The following DGKB variants were observed in gnomAD, a reference collection of about 807,000 sequenced individuals.
DGKB encodes the protein diacylglycerol kinase beta, also known as 90 kDa diacylglycerol kinase.
DGKB carries 67 observed loss-of-function variants against 114.3 expected under a neutral mutation model. That is an observed-to-expected ratio of 0.59 (90% CI 0.48 to 0.72). The LOEUF is 0.72. Among genes scored for constraint, DGKB ranks in the 30% least tolerant of loss-of-function variants. The pLI, the probability that DGKB is intolerant of heterozygous loss-of-function variation, is 0.00. For missense variants in DGKB, 907 were observed against 975.2 expected, an observed-to-expected ratio of 0.93 and a Z score of 0.93; for synonymous variants, 398 against 323.1, an observed-to-expected ratio of 1.23 and a Z score of -2.49.
intron 4 of DGKB, among the ~76,000 whole-genome samples, chr7:14,753,203 T>C (rs1273520573): frequency 6.6e-6 from 1 of 152,170 alleles, no homozygotes; most frequent in Non-Finnish European, 1.5e-5. Context: ...ATATCCAAGA[T>C]TGCCCAAAGG....
At chr7:14,930,855 C>T (rs910326974) in intron 1 of DGKB, among the ~76,000 whole-genome samples, 1 of 151,970 alleles carries the variant, frequency 6.6e-6, no homozygotes, top group East Asian at 1.9e-4. Context: ...TTGTACATGA[C>T]GTTCTGTATT....
intron 17 of DGKB, among the ~76,000 whole-genome samples, chr7:14,592,005 CTT>C (rs1801782181): frequency 6.6e-6 from 1 of 151,758 alleles, no homozygotes; most frequent in African/African-American, 2.4e-5. Flanking sequence ...TTATTCCAAT[CTT>C]ATATTTTATT....
At chr7:14,522,381 A>C (rs1242797852) in intron 20 of DGKB, among the ~76,000 whole-genome samples, 1 of 152,080 alleles carries the variant, frequency 6.6e-6, no homozygotes, top group Non-Finnish European at 1.5e-5. Flanking sequence ...GCCATCTTTG[A>C]CTGTCCAACC....
intron 17 of DGKB, among the ~76,000 whole-genome samples, chr7:14,604,802 C>T (rs1212193788): frequency 3.3e-5 from 5 of 152,056 alleles, no homozygotes; most frequent in Admixed American, 6.6e-5. Context: ...ACATCATAGC[C>T]TGGCCAGAGT....
At chr7:14,189,969 C>T (rs905755583) in intron 23 of DGKB, among the ~76,000 whole-genome samples, 2 of 152,062 alleles carry the variant, frequency 1.3e-5, no homozygotes, top group African/African-American at 4.8e-5. Context: ...GGGGATTACA[C>T]CCACTTTCAA....
At chr7:14,800,148 C>T (rs957662809) in intron 2 of DGKB, among the ~76,000 whole-genome samples, 2 of 152,098 alleles carry the variant, frequency 1.3e-5, no homozygotes, top group Non-Finnish European at 2.9e-5. Context: ...AATCTCTTGA[C>T]CTCATGATCC....
At chr7:14,320,137 T>A (rs1392510598) in intron 23 of DGKB, among the ~76,000 whole-genome samples, 1 of 152,034 alleles carries the variant, frequency 6.6e-6, no homozygotes, top group Non-Finnish European at 1.5e-5. Context: ...GTCCTAAGAG[T>A]CATAGGTGGG....
chr7:14,425,671 T>C (rs1009042087), intron 21 of DGKB, among the ~76,000 whole-genome samples: 4 of 152,146 alleles, frequency 2.6e-5, no homozygotes, highest in African/African-American at 4.8e-5. Context: ...AGAATAAACA[T>C]TTCAGTTTTG....
chr7:14,188,496 T>G (rs1250913686), intron 23 of DGKB, among the ~76,000 whole-genome samples: 2 of 143,130 alleles, frequency 1.4e-5, no homozygotes, highest in African/African-American at 2.6e-5. Context: ...CCGTCTCTAC[T>G]AAAAATACAA....
chr7:14,631,091 T>C (rs879511701), intron 13 of DGKB, among the ~76,000 whole-genome samples: 2 of 151,524 alleles, frequency 1.3e-5, no homozygotes, highest in Non-Finnish European at 2.9e-5. Context: ...CTTAGATATT[T>C]GTGTCCCTGA....
At chr7:14,273,451 A>G (rs139015814) in intron 23 of DGKB, among the ~76,000 whole-genome samples, 215 of 152,346 alleles carry the variant, frequency 1.4e-3, no homozygotes, top group Non-Finnish European at 2.3e-3. Context: ...CAGTAAAGAT[A>G]TGAAATGATG....
At chr7:14,677,854 T>C (rs1489291626) in intron 12 of DGKB, among the ~76,000 whole-genome samples, 2 of 152,054 alleles carry the variant, frequency 1.3e-5, no homozygotes, top group Non-Finnish European at 2.9e-5. Context: ...CACTGATCTT[T>C]CCTAAGCTTT....
chr7:14,822,065 C>A (rs1455703881), intron 2 of DGKB, among the ~76,000 whole-genome samples: 1 of 152,068 alleles, frequency 6.6e-6, no homozygotes, highest in Non-Finnish European at 1.5e-5. Flanking sequence ...AAGGGAGAGA[C>A]AGAGATGTAT....
At chr7:14,612,710 TTTTG>T (rs1250089074) in intron 16 of DGKB, among the ~76,000 whole-genome samples, 1 of 152,052 alleles carries the variant, frequency 6.6e-6, no homozygotes, top group African/African-American at 2.4e-5. Flanking sequence ...ATAAATGCAT[TTTTG>T]TTTATGACTG....
At chr7:14,899,729 G>A (rs940911359) in intron 1 of DGKB, among the ~76,000 whole-genome samples, 1 of 152,086 alleles carries the variant, frequency 6.6e-6, no homozygotes, top group Non-Finnish European at 1.5e-5. Flanking sequence ...GTCAATGCAG[G>A]TGGATTCCAG....
chr7:14,507,129 G>C (rs1383756293), intron 20 of DGKB, among the ~76,000 whole-genome samples: 1 of 152,164 alleles, frequency 6.6e-6, no homozygotes, highest in Non-Finnish European at 1.5e-5. Context: ...AAGCCATAGA[G>C]ATTTGAAGGC....
At chr7:14,306,489 T>A (rs1309988423) in intron 23 of DGKB, among the ~76,000 whole-genome samples, 1 of 152,136 alleles carries the variant, frequency 6.6e-6, no homozygotes, top group Non-Finnish European at 1.5e-5. Flanking sequence ...TAATATGATA[T>A]TAGCCATTAA....
At chr7:14,472,380 C>T (rs779911732) in intron 21 of DGKB, among the ~76,000 whole-genome samples, 5 of 152,176 alleles carry the variant, frequency 3.3e-5, no homozygotes, top group African/African-American at 4.8e-5. Flanking sequence ...CCACCATCCA[C>T]GTACAATGTG....
intron 20 of DGKB, among the ~76,000 whole-genome samples, chr7:14,488,052 T>C (rs879794965): frequency 6.6e-6 from 1 of 152,122 alleles, no homozygotes; most frequent in Non-Finnish European, 1.5e-5. Context: ...GAGTCTCAAT[T>C]CCAAAACAGA....
Sources: gnomAD v4.1 joint callset for allele counts (sites outside exome capture counted in the v4.1 genomes callset) on GRCh38, gnomAD v4.1.1 for gene constraint, MANE v1.5 for transcripts, NCBI Gene and HGNC (gene_info 2026-07-23, HGNC 2026-07-21) for gene names.